Variants in MDN1 observed in about 807,000 individuals in gnomAD.
MDN1 encodes the protein midasin.
MDN1 carries 266 observed loss-of-function variants against 669.2 expected under a neutral mutation model. The ratio of observed to expected loss-of-function variants is 0.40; its 90% CI spans 0.36 to 0.44. The LOEUF is 0.44. MDN1 is among the 20% of genes least tolerant of loss of function. The probability of loss-of-function intolerance (pLI) is 1.00; values close to 1 mark genes in which losing one functional copy is unlikely to be tolerated. For synonymous variants in MDN1, 2,385 were observed against 2,457.1 expected, an observed-to-expected ratio of 0.97 and a Z score of 0.87; for missense variants, 5,940 against 6,754.0, an observed-to-expected ratio of 0.88 and a Z score of 4.22.
At chr6:89,727,461 T>C (rs1260361396) in intron 37 of MDN1, among the ~76,000 whole-genome samples, 7 of 152,214 alleles carry the variant, frequency 4.6e-5, no homozygotes, top group African/African-American at 7.2e-5. Context: ...TCATTTTGTA[T>C]GTCTTTCCTT....
Position 89,650,183 on chromosome 6 carries a change from A to G in MDN1, c.16047T>C (p.Thr5349=), listed in dbSNP as rs115540093. 6.2e-7 allele frequency: 1 copy of G among 1,614,038 alleles called. No individual in the cohort carries two copies. The highest frequency in any genetic ancestry group is 1.7e-5 in the Admixed American group (1 of 59,980). ...CTTTCCGTATGTTTAGTCGTTTCCC[A>G]GTTCGATAGTCTCCTCTATTTATTC... ...QAAKLKGDYR[T]GKRLNIRKVI... Residue 5349 remains threonine, a synonymous_variant, in exon 97 of 102, where the codon ACT becomes ACC. Transcript: ENST00000369393.
At chr6:89,710,321 A>G (rs1335006805) in intron 50 of MDN1, among the ~76,000 whole-genome samples, 1 of 152,052 alleles carries the variant, frequency 6.6e-6, no homozygotes, top group Non-Finnish European at 1.5e-5. Flanking sequence ...CAACTCCTAG[A>G]TTCTTTTTAC....
At chr6:89,778,962 T>C (rs1453574322) in intron 11 of MDN1, among the ~76,000 whole-genome samples, 2 of 149,048 alleles carry the variant, frequency 1.3e-5, no homozygotes, top group African/African-American at 2.4e-5. Flanking sequence ...TGTGTCAGTA[T>C]GTACTAAAAT....
At chr6:89,789,683 T>A (rs1364370393) in intron 7 of MDN1, 97 bp downstream of exon 7, 7 of 1,394,896 alleles carry the variant, frequency 5.0e-6, no homozygotes, top group Non-Finnish European at 9.7e-7. Flanking sequence ...ATCAAATACA[T>A]TTTTGTTTAA....
rs771018439 is a variant in MDN1 at position 89,715,786 on chromosome 6, C to T, written c.6744-17G>A. 2.0e-6 allele frequency: 3 copies of T among 1,518,768 alleles called. No homozygotes were observed. Among genetic ancestry groups the T allele is most frequent in the East Asian group, 2.3e-5 (1 of 44,404 alleles). 94.1% of individuals were successfully genotyped at this position (1,518,768 alleles called of 1,614,324 possible). On this transcript the variant is annotated splice_polypyrimidine_tract_variant and intron_variant, in intron 44 of 101. Coordinates refer to ENST00000369393, the MANE Select transcript of MDN1 (RefSeq NM_014611.3). ...ACTGATGGGCTGCAGAGACAGAATTCAGATGGTGGATAGGCTGACATGCTG... is the reference window on the plus strand; with the variant it reads ...ACTGATGGGCTGCAGAGACAGAATTTAGATGGTGGATAGGCTGACATGCTG...
At chr6:89,728,027 C>G in intron 36 of MDN1, 72 bp from the exon 37 acceptor site, 2 of 1,505,580 alleles carry the variant, frequency 1.3e-6, no homozygotes, top group Non-Finnish European at 1.8e-6. Context: ...CACCCTAAAT[C>G]TGAAATGATA....
chr6:89,721,087 G>A (rs1266692046), intron 40 of MDN1, among the ~76,000 whole-genome samples: 2 of 152,156 alleles, frequency 1.3e-5, no homozygotes, highest in African/African-American at 2.4e-5. Context: ...ACATTAAGCC[G>A]GCATTGTGCC....
chr6:89,704,589 A>G (rs986059668), intron 53 of MDN1, among the ~76,000 whole-genome samples: 2 of 152,116 alleles, frequency 1.3e-5, no homozygotes, highest in South Asian at 2.1e-4. Context: ...AACTAGGCCA[A>G]TGAATTTTCT....
At position 89,758,674 on chromosome 6, in the gene MDN1, T is replaced by C. The variant is rs542814598; in HGVS notation, c.2605+142A>G. 1.7e-5 allele frequency: 15 copies of C among 882,986 alleles called. No individual in the cohort carries two copies. The South Asian group carries it at 2.5e-4, about 15-fold the overall frequency. 54.7% of individuals were successfully genotyped at this position (882,986 alleles called of 1,614,324 possible). On this transcript the variant is annotated intron_variant, in intron 18 of 101. Coordinates refer to ENST00000369393, the MANE Select transcript of MDN1 (RefSeq NM_014611.3). ...TACCACCCAACACTTTAATGCACTT[T>C]GCAGAAAATTAATATCTAAAGAATG...
chr6:89,722,324 C>T (rs916973613), intron 40 of MDN1, among the ~76,000 whole-genome samples: 4 of 152,194 alleles, frequency 2.6e-5, no homozygotes, highest in East Asian at 1.9e-4. Context: ...TCCTCTTCTA[C>T]GGAGTATCAC....
At chr6:89,673,132 A>G in intron 80 of MDN1, 104 bp downstream of exon 80, 1 of 1,033,832 alleles carries the variant, frequency 9.7e-7, no homozygotes, top group Non-Finnish European at 1.5e-6. Flanking sequence ...GGACAGGTAC[A>G]TGTAGACCAA....
At chr6:89,804,229 A>G (rs1767870153) in intron 1 of MDN1, among the ~76,000 whole-genome samples, 1 of 152,104 alleles carries the variant, frequency 6.6e-6, no homozygotes, top group Admixed American at 6.6e-5. Context: ...TATGTAAATA[A>G]TATTCATTTG....
In MDN1 at chr6:89,785,132, T is replaced by C. The variant is rs1818888844; in HGVS notation, c.1335-6A>G. ...TTCCTCCACAGCTCAAGAGTCTACG[T>C]TTCAAAATAAAAAACACAGTCACAC... On this transcript the variant is annotated splice_polypyrimidine_tract_variant and splice_region_variant and intron_variant, in intron 8 of 101. Coordinates refer to ENST00000369393, the MANE Select transcript of MDN1 (RefSeq NM_014611.3). 1 of 1,601,582 alleles carries C rather than the reference T, an allele frequency of 6.2e-7. No homozygotes were observed. Among genetic ancestry groups the C allele is most frequent in the Non-Finnish European group, 8.5e-7 (1 of 1,171,296 alleles).
At chr6:89,683,807 C>T in intron 72 of MDN1, 24 bp downstream of exon 72, 1 of 1,591,962 alleles carries the variant, frequency 6.3e-7, no homozygotes, top group Non-Finnish European at 8.6e-7. Flanking sequence ...TTTTGGTTGT[C>T]TCCAGTTTTA....
At chr6:89,764,108 T>C (rs1462574913) in intron 15 of MDN1, among the ~76,000 whole-genome samples, 1 of 152,156 alleles carries the variant, frequency 6.6e-6, no homozygotes, top group Non-Finnish European at 1.5e-5. Flanking sequence ...CTCAGCTACT[T>C]GGGAGGCTAA....
chr6:89,712,293 A>G, intron 48 of MDN1, 37 bp from the exon 49 acceptor site: 1 of 1,511,582 alleles, frequency 6.6e-7, no homozygotes, highest in Non-Finnish European at 9.1e-7. Context: ...CAGTACTAGA[A>G]TAACCTTTTA....
intron 9 of MDN1, 45 bp downstream of exon 9, chr6:89,784,967 G>C: frequency 8.0e-7 from 1 of 1,253,276 alleles, no homozygotes. Context: ...TCACGCGGGA[G>C]CCACTGCACC....
At position 89,646,616 on chromosome 6, in the gene MDN1, C is replaced by A. The variant is rs762277015; in HGVS notation, c.16396-13G>T. 4 of 1,610,806 alleles carry A rather than the reference C, an allele frequency of 2.5e-6. No homozygotes were observed. The highest frequency in any genetic ancestry group is 3.4e-6 in the Non-Finnish European group (4 of 1,177,220). ...CAGACTCTAGAAACTAAACCGGAAC[C>A]AGGAATAGACAATTAGAAAACTATG... On this transcript the variant is annotated splice_polypyrimidine_tract_variant and intron_variant, in intron 99 of 101. Coordinates refer to ENST00000369393, the MANE Select transcript of MDN1 (RefSeq NM_014611.3).
Position 89,692,692 on chromosome 6 carries a change from G to A in MDN1, c.10338C>T (p.Gly3446=), listed in dbSNP as rs536320058. ...ATALLAFPSV[G]PTFPTYYAHA... ...GAGCATAGTAAGTCGGGAAGGTGGG[G>A]CCCACCGATGGGAAAGCCAGCAAGG... The change falls in exon 63 of 102, where the codon GGC becomes GGT. Residue 3446 remains glycine (G), a synonymous_variant. Transcript: ENST00000369393. 5.3e-5 allele frequency: 85 copies of A among 1,614,208 alleles called. 1 individual carries two copies. The South Asian group carries it at 9.2e-4, about 18-fold the overall frequency.
Sources: gnomAD v4.1 joint callset for allele counts (sites outside exome capture counted in the v4.1 genomes callset) on GRCh38, gnomAD v4.1.1 for gene constraint, MANE v1.5 for transcripts, NCBI Gene and HGNC (gene_info 2026-07-23, HGNC 2026-07-21) for gene names.